PSMG2: variants seen among roughly 807,000 people sequenced by gnomAD.
PSMG2 encodes the protein proteasome assembly chaperone 2, also known as CD40 ligand-activated specific transcript 3.
Under a neutral mutation model 31.5 loss-of-function variants are expected in PSMG2, and 21 were observed. The ratio of observed to expected loss-of-function variants is 0.67; its 90% CI spans 0.47 to 0.96. The LOEUF is 0.96. Among genes scored for constraint, PSMG2 ranks in the 40% least tolerant of loss-of-function variants. The probability of loss-of-function intolerance (pLI) is 0.00; values close to 1 mark genes in which losing one functional copy is unlikely to be tolerated. For missense variants in PSMG2, 318 were observed against 321.2 expected, an observed-to-expected ratio of 0.99 and a Z score of 0.08; for synonymous variants, 120 against 110.4, an observed-to-expected ratio of 1.09 and a Z score of -0.54.
intron 1 of PSMG2, among the ~76,000 whole-genome samples, chr18:12,672,396 A>T (rs931894818): frequency 6.6e-6 from 1 of 152,202 alleles, no homozygotes; most frequent in Non-Finnish European, 1.5e-5. Context: ...GATTACAGGC[A>T]TAAACCACTA....
At chr18:12,722,079 A>G (rs2040435919) in intron 5 of PSMG2, among the ~76,000 whole-genome samples, 1 of 152,172 alleles carries the variant, frequency 6.6e-6, no homozygotes, top group South Asian at 2.1e-4. Flanking sequence ...TCTTCTAGAC[A>G]AGGAAGTTGC....
At chr18:12,702,685 GA>G (rs1416168408), upstream of PSMG2, 1 of 954,246 alleles carries the variant, frequency 1.0e-6, no homozygotes, top group East Asian at 2.9e-5. Context: ...GCTCCCGGGG[GA>G]CGCAACGCCG....
chr18:12,691,507 T>G (rs771435841), intron 1 of PSMG2: 9 of 1,560,858 alleles, frequency 5.8e-6, no homozygotes, highest in Non-Finnish European at 7.8e-6. Context: ...GAAAAAAATA[T>G]TTTTCAATTT....
chr18:12,706,524 A>T, intron 1 of PSMG2, 26 bp from the exon 2 acceptor site: 1 of 1,610,818 alleles, frequency 6.2e-7, no homozygotes, highest in Non-Finnish European at 8.5e-7. Flanking sequence ...TTGGTGACTT[A>T]CTGAACATAT....
rs754179948 is a variant in PSMG2 at position 12,678,371 on chromosome 18, C to T, written c.-37+19598C>T. ...ATGGTTGAAAACACAACCAATTGTTCGATATGGGTACAGTGGTTTGGGCTG... is the reference window on the plus strand; with the variant it reads ...ATGGTTGAAAACACAACCAATTGTTTGATATGGGTACAGTGGTTTGGGCTG... On this transcript the variant is annotated intron_variant, in intron 1 of 6. Coordinates refer to the PSMG2 transcript ENST00000585331. 3.1e-5 allele frequency: 50 copies of T among 1,613,962 alleles called. No individual in the cohort carries two copies. The highest frequency in any genetic ancestry group is 4.2e-5 in the Non-Finnish European group (50 of 1,180,008).
chr18:12,691,806 C>T (rs1169472658), intron 1 of PSMG2, among the ~76,000 whole-genome samples: 2 of 151,730 alleles, frequency 1.3e-5, no homozygotes, highest in East Asian at 1.9e-4. Flanking sequence ...ACCTCTGCCT[C>T]CCATGTTCAA....
chr18:12,703,073 C>T lies in PSMG2; in HGVS notation c.-35C>T, dbSNP rs28494820. On this transcript the variant is annotated 5_prime_UTR_variant, in exon 1 of 7. Coordinates refer to ENST00000317615, the MANE Select transcript of PSMG2 (RefSeq NM_020232.5). ...TTGCTGCCCTCGTTCTTGCCAGGGCCGCGGTTAGTCCCTGCTGGCCACCCC... is the reference window on the plus strand; with the variant it reads ...TTGCTGCCCTCGTTCTTGCCAGGGCTGCGGTTAGTCCCTGCTGGCCACCCC... 59 of 1,605,546 alleles carry T rather than the reference C, an allele frequency of 3.7e-5. No homozygotes were observed. The African/African-American group carries it at 4.1e-4, about 11-fold the overall frequency.
In PSMG2 at chr18:12,705,821, G is replaced by A. The variant is rs185598498; in HGVS notation, c.58-729G>A. 1.6e-3 allele frequency among the ~76,000 whole-genome samples: 241 copies of A among 151,878 alleles called. 1 individual carries two copies. The highest frequency in any genetic ancestry group is 2.0e-3 in the Non-Finnish European group (134 of 67,960). ...TGTCACCTAGGGTGAGTCTTTCCTC[G>A]AACACTCTACTTAAAATTGCAATCA... On this transcript the variant is annotated intron_variant, in intron 1 of 6. Coordinates refer to ENST00000317615, the MANE Select transcript of PSMG2 (RefSeq NM_020232.5).
intron 1 of PSMG2, among the ~76,000 whole-genome samples, chr18:12,692,733 T>C (rs2039812768): frequency 6.6e-6 from 1 of 152,252 alleles, no homozygotes; most frequent in Admixed American, 6.5e-5. Context: ...GCTGTCTAGC[T>C]GTCTGCTGCC....
At chr18:12,725,022 T>G (rs1167483473) in intron 6 of PSMG2, among the ~76,000 whole-genome samples, 1 of 152,210 alleles carries the variant, frequency 6.6e-6, no homozygotes. Flanking sequence ...TTCTCTATTA[T>G]GAAATGAGAG....
chr18:12,717,352 T>C (rs1294317374), intron 3 of PSMG2, among the ~76,000 whole-genome samples: 1 of 152,246 alleles, frequency 6.6e-6, no homozygotes, highest in Non-Finnish European at 1.5e-5. Context: ...GTAGTTATTT[T>C]ATGAGCAGTC....
chr18:12,718,005 CTTTTTT>C (rs1568044228), intron 3 of PSMG2, among the ~76,000 whole-genome samples: 32 of 141,962 alleles, frequency 2.3e-4, no homozygotes, highest in Non-Finnish European at 4.2e-4. Context: ...TTTTCTTTTT[CTTTTTT>C]CTTTTTTTTT....
At chr18:12,719,966 C>T (rs1264114135) in intron 4 of PSMG2, among the ~76,000 whole-genome samples, 1 of 151,822 alleles carries the variant, frequency 6.6e-6, no homozygotes, top group East Asian at 1.9e-4. Flanking sequence ...ATTTGCCTGC[C>T]TGGGCCTCCC....
At chr18:12,687,502 G>T (rs2039582585) in intron 1 of PSMG2, among the ~76,000 whole-genome samples, 1 of 147,676 alleles carries the variant, frequency 6.8e-6, no homozygotes. Context: ...TGTCCAGGCT[G>T]GAGTGCAGTA....
chr18:12,716,948 CTTTTT>C (rs56726339), intron 3 of PSMG2, among the ~76,000 whole-genome samples: 46 of 116,740 alleles, frequency 3.9e-4, no homozygotes, highest in African/African-American at 4.8e-4. Flanking sequence ...TTTTCTTTTA[CTTTTT>C]TTTTTTTTTT....
intron 1 of PSMG2, 143 bp downstream of exon 1, chr18:12,703,307 G>C: frequency 9.8e-7 from 1 of 1,016,068 alleles, no homozygotes; most frequent in South Asian, 1.7e-5. Flanking sequence ...AAACAGGGAG[G>C]TTGTAGCCGG....
intron 1 of PSMG2, chr18:12,686,069 T>C (rs2039530457): frequency 2.1e-6 from 1 of 472,338 alleles, no homozygotes; most frequent in Admixed American, 3.7e-5. Context: ...TTTGTACTAT[T>C]TTTTATTATT....
chr18:12,703,348 C>T (rs1006167975), intron 1 of PSMG2, among the ~76,000 whole-genome samples, 184 bp downstream of exon 1: 1 of 152,230 alleles, frequency 6.6e-6, no homozygotes, highest in South Asian at 2.1e-4. Flanking sequence ...CCTTTGTCGG[C>T]TGTAAAACCA....
chr18:12,706,582 T>C lies in PSMG2; in HGVS notation c.90T>C (p.Leu30=). Residue 30 remains leucine (L), a synonymous_variant, in exon 2 of 7, where the codon CTT becomes CTC. Transcript: ENST00000317615. ...TATCTGTTGGAAATGTTGGCCAGCTTGCAATGGATCTGATTATTTCTACAC... is the reference window on the plus strand; with the variant it reads ...TATCTGTTGGAAATGTTGGCCAGCTCGCAATGGATCTGATTATTTCTACAC... ...PAVSVGNVGQ[L]AMDLIISTLN... 1 of 1,614,114 alleles carries C rather than the reference T, an allele frequency of 6.2e-7. No individual in the cohort carries two copies. The highest frequency in any genetic ancestry group is 8.5e-7 in the Non-Finnish European group (1 of 1,180,020).
Sources: allele counts gnomAD v4.1 joint callset (sites outside exome capture counted in the v4.1 genomes callset), GRCh38; gene constraint gnomAD v4.1.1; transcripts MANE v1.5; gene names NCBI Gene and HGNC (gene_info 2026-07-23, HGNC 2026-07-21).